KIF2A: variants seen among roughly 807,000 people sequenced by gnomAD.
The protein encoded by KIF2A is kinesin-like protein KIF2A.
A neutral mutation model predicts 100.2 loss-of-function variants in KIF2A; 22 were observed. The ratio of observed to expected loss-of-function variants is 0.22; its 90% CI spans 0.16 to 0.31. The LOEUF (loss-of-function observed/expected upper bound fraction) is 0.31, where lower values mean the gene tolerates loss of function less well. Among genes scored for constraint, KIF2A ranks in the 10% least tolerant of loss-of-function variants. The pLI, the probability that KIF2A is intolerant of heterozygous loss-of-function variation, is 1.00. For synonymous variants in KIF2A, 268 were observed against 285.9 expected (o/e 0.94, Z 0.63); for missense variants, 495 against 898.7 (o/e 0.55, Z 5.74).
At position 62,362,478 on chromosome 5, in the gene KIF2A, G is replaced by C; in HGVS notation, c.1056G>C (p.Lys352Asn). The stretch of plus-strand genomic sequence containing the variant: ...GAGATGTCTTTTTAATGCTAAAGAA[G>C]CCAAACTATAAGAAGCTAGAACTTC... ...AARDVFLMLK[K>N]PNYKKLELQV... Residue 352 changes from lysine to asparagine, a missense_variant, in exon 12 of 21, where the codon AAG becomes AAC. By Grantham distance (94) the Lys-to-Asn change is moderately conservative (BLOSUM62 0). Coordinates refer to ENST00000407818, the MANE Select transcript of KIF2A (RefSeq NM_001098511.3). 6.8e-7 allele frequency: 1 copy of C among 1,463,752 alleles called. No individual in the cohort carries two copies. The highest frequency in any genetic ancestry group is 9.0e-7 in the Non-Finnish European group (1 of 1,109,208). 90.7% of individuals were successfully genotyped at this position (1,463,752 alleles called of 1,614,324 possible).
intron 1 of KIF2A, among the ~76,000 whole-genome samples, chr5:62,325,613 G>A (rs1181767104): frequency 2.6e-5 from 4 of 152,120 alleles, no homozygotes; most frequent in African/African-American, 9.7e-5. Flanking sequence ...CACCAGTCAC[G>A]ATGGCTATTA....
intron 16 of KIF2A, among the ~76,000 whole-genome samples, chr5:62,367,507 TC>T (rs1269313100): frequency 6.6e-6 from 1 of 152,198 alleles, no homozygotes; most frequent in African/African-American, 2.4e-5. Context: ...CCTCAGGTGA[TC>T]CACCTGCCTC....
chr5:62,365,493 T>C (rs1004118890), intron 15 of KIF2A, 140 bp downstream of exon 15: 27 of 524,428 alleles, frequency 5.1e-5, no homozygotes. Flanking sequence ...TAAGATGTGG[T>C]CCCTGCCACT....
rs75641313 is a variant in KIF2A, at chr5:62,366,070, C to T, written c.1579-344C>T. ...CAAGTTTTCAGTCAAGTTTTAGTTG[C>T]CCTGTGTGACAGCAGCAAAGCTTGC... On this transcript the variant is annotated intron_variant, in intron 15 of 20. Transcript: ENST00000407818. Among the ~76,000 whole-genome samples the T allele has an allele frequency of 4.7e-3, 720 of 152,064 alleles. 4 individuals are homozygous for T. The highest frequency in any genetic ancestry group is 0.016 in the African/African-American group (681 of 41,482).
chr5:62,350,327 G>A lies in KIF2A; in HGVS notation c.334+207G>A, dbSNP rs558092888. ...GGGTCTTGCTCTATCACCCAGTCTAGAGTACATTGGCATGAACACAGCTCA... is the reference window on the plus strand; with the variant it reads ...GGGTCTTGCTCTATCACCCAGTCTAAAGTACATTGGCATGAACACAGCTCA... On this transcript the variant is annotated intron_variant, in intron 4 of 20. Coordinates refer to ENST00000407818, the MANE Select transcript of KIF2A (RefSeq NM_001098511.3). Among the ~76,000 whole-genome samples, 60 of 151,788 alleles carry A rather than the reference G, an allele frequency of 4.0e-4. 1 individual carries two copies. The highest frequency in any genetic ancestry group is 1.4e-3 in the African/African-American group (59 of 41,412).
At chr5:62,316,598 T>C (rs1032425254) in intron 1 of KIF2A, among the ~76,000 whole-genome samples, 5 of 152,228 alleles carry the variant, frequency 3.3e-5, no homozygotes, top group Non-Finnish European at 7.3e-5. Context: ...TCATGATACA[T>C]ATGCCAAATT....
rs558072824 is a variant in KIF2A at position 62,388,664 on chromosome 5, A to G, written c.*3095A>G. The G allele has an allele frequency of 6.5e-5, 13 of 200,336 alleles. 1 individual carries two copies. In the South Asian group the frequency reaches 1.5e-3, roughly 23 times the overall value. 12.4% of individuals were successfully genotyped at this position (200,336 alleles called of 1,614,324 possible). A position where few individuals can be genotyped will look rare whatever the true frequency, so the allele number is the denominator to read the frequency against. On this transcript the variant is annotated 3_prime_UTR_variant, in exon 21 of 21. Transcript: ENST00000407818. ...TTTTATTACTGGAGGAACAGAGCTAAAGGCCTAAAGAAGGCCTTACAGTAT... is the reference window on the plus strand; with the variant it reads ...TTTTATTACTGGAGGAACAGAGCTAGAGGCCTAAAGAAGGCCTTACAGTAT...
At chr5:62,358,068 A>G (rs1385900338) in intron 8 of KIF2A, 69 bp from the exon 9 acceptor site, 17 of 1,196,864 alleles carry the variant, frequency 1.4e-5, no homozygotes, top group Admixed American at 3.2e-5. Flanking sequence ...TTACTACTTA[A>G]AATAATTTTG....
chr5:62,307,770 C>T (rs1363474931), intron 1 of KIF2A, among the ~76,000 whole-genome samples: 1 of 152,002 alleles, frequency 6.6e-6, no homozygotes, highest in Non-Finnish European at 1.5e-5. Flanking sequence ...GGCGTTGTCA[C>T]CACACCCAGC....
chr5:62,357,088 T>C (rs1580069664), intron 7 of KIF2A, among the ~76,000 whole-genome samples: 1 of 142,692 alleles, frequency 7.0e-6, no homozygotes, highest in Admixed American at 7.1e-5. Flanking sequence ...CACAACTTCT[T>C]TTTTTTTTTG....
intron 11 of KIF2A, 54 bp downstream of exon 11, chr5:62,361,583 G>A: frequency 9.8e-7 from 1 of 1,015,310 alleles, no homozygotes; most frequent in Non-Finnish European, 1.5e-6. Flanking sequence ...TATTATTCAG[G>A]TAACTTTGAA....
At chr5:62,365,508 TAG>T (rs1256937562) in intron 15 of KIF2A, among the ~76,000 whole-genome samples, 155 bp downstream of exon 15, 3 of 152,352 alleles carry the variant, frequency 2.0e-5, no homozygotes, top group East Asian at 1.9e-4. Flanking sequence ...GCCACTCTGA[TAG>T]AGAGGATTAT....
intron 1 of KIF2A, among the ~76,000 whole-genome samples, chr5:62,313,394 T>C (rs1745648692): frequency 6.6e-6 from 1 of 152,132 alleles, no homozygotes; most frequent in Non-Finnish European, 1.5e-5. Flanking sequence ...CTCTTGTTGC[T>C]CAGGCTGGAG....
chr5:62,347,390 T>C (rs1414678773), intron 2 of KIF2A, among the ~76,000 whole-genome samples, 166 bp downstream of exon 2: 1 of 152,236 alleles, frequency 6.6e-6, no homozygotes, highest in African/African-American at 2.4e-5. Flanking sequence ...AGATTCCTCC[T>C]GTATCTCTTA....
rs150609063 is a variant in KIF2A at position 62,312,451 on chromosome 5, C to G, written c.64+5915C>G. ...TGATTAATATGACATTAATCTTTTG[C>G]AAAGTTTAATTCTTGGATTCAGCCA... is the stretch of plus-strand genomic sequence containing the variant. On this transcript the variant is annotated intron_variant, in intron 1 of 20. Transcript: ENST00000407818. 4.8e-3 allele frequency among the ~76,000 whole-genome samples: 726 copies of G among 152,278 alleles called. 4 individuals carry two copies. Among genetic ancestry groups the G allele is most frequent in the African/African-American group, 0.017 (687 of 41,550 alleles).
intron 1 of KIF2A, among the ~76,000 whole-genome samples, chr5:62,321,598 T>A (rs1437761839): frequency 6.6e-6 from 1 of 152,216 alleles, no homozygotes; most frequent in African/African-American, 2.4e-5. Flanking sequence ...AGTCTTATTC[T>A]GTCTCCCAGA....
At chr5:62,343,496 C>T (rs189470240) in intron 1 of KIF2A, among the ~76,000 whole-genome samples, 80 of 152,176 alleles carry the variant, frequency 5.3e-4, no homozygotes, top group Non-Finnish European at 9.3e-4. Flanking sequence ...ACAGGTAATG[C>T]GGGTCAGATC....
intron 5 of KIF2A, chr5:62,353,064 T>C: frequency 4.5e-6 from 2 of 448,362 alleles, no homozygotes; most frequent in South Asian, 4.6e-5. Context: ...ATCAATATGT[T>C]TGAGTCATTT....
rs117877039 is a variant in KIF2A, at chr5:62,318,842, C to T, written c.64+12306C>T. 3.0e-4 allele frequency among the ~76,000 whole-genome samples: 45 copies of T among 152,282 alleles called. No homozygotes were observed. The East Asian group carries it at 6.8e-3, about 23-fold the overall frequency. The stretch of plus-strand genomic sequence containing the variant: ...GTATATGTCATGGATTACTGCATAT[C>T]TCCATTTGGATATCTCATAAACACT... On this transcript the variant is annotated intron_variant, in intron 1 of 20. Coordinates refer to ENST00000407818, the MANE Select transcript of KIF2A (RefSeq NM_001098511.3).
Sources: allele counts gnomAD v4.1 joint callset (sites outside exome capture counted in the v4.1 genomes callset), GRCh38; gene constraint gnomAD v4.1.1; transcripts MANE v1.5; gene names NCBI Gene and HGNC (gene_info 2026-07-23, HGNC 2026-07-21).